The following PRR16 variants were observed in gnomAD, a reference collection of about 807,000 sequenced individuals.
PRR16 encodes the protein protein Largen.
A neutral mutation model predicts 18.2 loss-of-function variants in PRR16; 6 were observed. The ratio of observed to expected loss-of-function variants is 0.33; its 90% confidence interval spans 0.18 to 0.65. The LOEUF (loss-of-function observed/expected upper bound fraction) is 0.65, where lower values mean the gene tolerates loss of function less well. PRR16 is among the 30% of genes least tolerant of loss of function. The pLI is 0.74. For missense variants in PRR16, 412 were observed against 376.6 expected (o/e 1.09, Z -0.78); for synonymous variants, 151 against 147.8 (o/e 1.02, Z -0.16).
At chr5:120,710,011 A>G in the PRR16 span, among the ~76,000 whole-genome samples, 5 of 152,264 alleles carry the variant, frequency 3.3e-5, no homozygotes, top group Admixed American at 1.3e-4. Flanking sequence ...TTGCTGGATC[A>G]TGTGGTAGTT....
chr5:120,500,494 C>T (rs1015193207), intron 1 of PRR16, among the ~76,000 whole-genome samples: 1 of 152,130 alleles, frequency 6.6e-6, no homozygotes, highest in Admixed American at 6.5e-5. Context: ...TTAATGCCTT[C>T]CATTTTAAGA....
chr5:120,574,100 C>T (rs1752999038), intron 1 of PRR16, among the ~76,000 whole-genome samples: 1 of 151,906 alleles, frequency 6.6e-6, no homozygotes, highest in Non-Finnish European at 1.5e-5. Context: ...ACCTCAAAAA[C>T]ATCAATTGGA....
At chr5:120,730,377 C>T in the PRR16 span, among the ~76,000 whole-genome samples, 1 of 152,086 alleles carries the variant, frequency 6.6e-6, no homozygotes, top group Non-Finnish European at 1.5e-5. Context: ...TATTGCACAA[C>T]TTGTGGAATA....
chr5:120,761,288 C>A, the PRR16 span, among the ~76,000 whole-genome samples: 1 of 151,986 alleles, frequency 6.6e-6, no homozygotes, highest in Non-Finnish European at 1.5e-5. Context: ...ATGGCCTGAA[C>A]TTTGCTGATT....
At chr5:120,549,515 G>T (rs904382311) in intron 1 of PRR16, among the ~76,000 whole-genome samples, 1 of 151,872 alleles carries the variant, frequency 6.6e-6, no homozygotes, top group Non-Finnish European at 1.5e-5. Context: ...CTCAGACTGG[G>T]TTGTAAGACC....
chr5:120,789,438 A>G, the PRR16 span, among the ~76,000 whole-genome samples: 7 of 152,234 alleles, frequency 4.6e-5, no homozygotes, highest in African/African-American at 1.4e-4. Flanking sequence ...AAGGAAGATT[A>G]ATTATATGGC....
chr5:120,699,653 G>C, the PRR16 span, among the ~76,000 whole-genome samples: 1 of 152,174 alleles, frequency 6.6e-6, no homozygotes, highest in African/African-American at 2.4e-5. Flanking sequence ...GCCTCTATAA[G>C]TATTAAAGCA....
the PRR16 span, among the ~76,000 whole-genome samples, chr5:120,748,365 C>A: frequency 1.3e-5 from 2 of 151,994 alleles, no homozygotes; most frequent in South Asian, 4.1e-4. Flanking sequence ...TGAAATATCA[C>A]ATATTTTCCT....
In PRR16 at chr5:120,464,576, C is replaced by T. The variant is rs1749014050; in HGVS notation, c.90C>T (p.Ile30=). 4.4e-6 allele frequency: 7 copies of T among 1,587,834 alleles called. No individual in the cohort carries two copies. The East Asian group carries it at 1.6e-4, about 36-fold the overall frequency. Residue 30 remains isoleucine, a synonymous_variant, in exon 1 of 2, where the codon ATC becomes ATT. Transcript: ENST00000407149. ...CCAAAACCAAGGTGAAGGAACAGATCAAGATCATCGTGGAGGATTTGGAAT... is the reference window on the plus strand; with the variant it reads ...CCAAAACCAAGGTGAAGGAACAGATTAAGATCATCGTGGAGGATTTGGAAT... ...AASKTKVKEQ[I]KIIVEDLELV...
chr5:120,767,292 G>A, the PRR16 span, among the ~76,000 whole-genome samples: 2 of 151,958 alleles, frequency 1.3e-5, no homozygotes, highest in African/African-American at 4.8e-5. Context: ...GGTTGACTTA[G>A]TGATGCCTCA....
At position 120,650,444 on chromosome 5, in the gene PRR16, C is replaced by T. The variant is rs1304079816; in HGVS notation, c.160-35510C>T. Among the ~76,000 whole-genome samples the T allele has an allele frequency of 2.0e-5, 3 of 151,174 alleles. No individual in the cohort carries two copies. The East Asian group carries it at 5.9e-4, about 30-fold the overall frequency. ...CTGCACCCAGTAACTCATCATTTAA[C>T]ATTAGGTATATCTCCAAATGCCATC... is the stretch of plus-strand genomic sequence containing the variant. On this transcript the variant is annotated intron_variant, in intron 1 of 1. Coordinates refer to ENST00000407149, the MANE Select transcript of PRR16 (RefSeq NM_001300783.2).
intron 1 of PRR16, among the ~76,000 whole-genome samples, chr5:120,590,787 A>G (rs1212639457): frequency 1.3e-5 from 2 of 152,118 alleles, no homozygotes; most frequent in Middle Eastern, 3.2e-3. Flanking sequence ...TCAAGCTCCT[A>G]TCTCATGATA....
At chr5:120,699,332 C>T in the PRR16 span, among the ~76,000 whole-genome samples, 3 of 152,048 alleles carry the variant, frequency 2.0e-5, no homozygotes, top group East Asian at 1.9e-4. Flanking sequence ...CTGGTGGAAC[C>T]GCCGTCAATA....
chr5:120,648,246 C>T (rs1755660921), intron 1 of PRR16, among the ~76,000 whole-genome samples: 1 of 152,212 alleles, frequency 6.6e-6, no homozygotes, highest in Admixed American at 6.6e-5. Flanking sequence ...TAAATAACAG[C>T]TAATATTTAT....
intron 1 of PRR16, among the ~76,000 whole-genome samples, chr5:120,520,431 T>C (rs1352823743): frequency 6.6e-6 from 1 of 152,104 alleles, no homozygotes; most frequent in African/African-American, 2.4e-5. Context: ...ATTTTGTGCA[T>C]AGTTTGCTAT....
the PRR16 span, among the ~76,000 whole-genome samples, chr5:120,768,994 C>T: frequency 6.6e-6 from 1 of 151,766 alleles, no homozygotes; most frequent in East Asian, 1.9e-4. Context: ...TATATGCAAA[C>T]TCAGCCACCC....
chr5:120,664,600 C>T (rs1453574321), intron 1 of PRR16, among the ~76,000 whole-genome samples: 1 of 151,962 alleles, frequency 6.6e-6, no homozygotes, highest in African/African-American at 2.4e-5. Flanking sequence ...AATGCTATCC[C>T]TCCCTGCTCC....
At chr5:120,759,946 C>CAATGT in the PRR16 span, among the ~76,000 whole-genome samples, 1 of 151,872 alleles carries the variant, frequency 6.6e-6, no homozygotes, top group Non-Finnish European at 1.5e-5. Flanking sequence ...ACTCTAATAA[C>CAATGT]AATGTATGAA....
chr5:120,751,559 G>A, the PRR16 span, among the ~76,000 whole-genome samples: 1 of 151,574 alleles, frequency 6.6e-6, no homozygotes, highest in Non-Finnish European at 1.5e-5. Context: ...TTTAATTTTA[G>A]CTTTACAGTT....
Sources: gnomAD v4.1 joint callset for allele counts (sites outside exome capture counted in the v4.1 genomes callset) on GRCh38, gnomAD v4.1.1 for gene constraint, MANE v1.5 for transcripts, NCBI Gene and HGNC (gene_info 2026-07-23, HGNC 2026-07-21) for gene names.